SPTA1: variants seen among roughly 807,000 people sequenced by gnomAD.
SPTA1 encodes spectrin alpha, erythrocytic 1, also known as spectrin alpha chain, erythrocytic 1.
A neutral mutation model predicts 324.7 loss-of-function variants in SPTA1; 177 were observed. The observed-to-expected ratio is 0.55, with a 90% CI of 0.48 to 0.62. SPTA1 has a LOEUF of 0.62. SPTA1 is among the 20% of genes least tolerant of loss of function. SPTA1 has a pLI of 0.00. For missense variants in SPTA1, 3,162 were observed against 2,883.6 expected, an observed-to-expected ratio of 1.10 and a Z score of -2.21; for synonymous variants, 1,195 against 1,041.3, an observed-to-expected ratio of 1.15 and a Z score of -2.84.
At chr1:158,629,403 T>A (rs1048237727) in intron 39 of SPTA1, among the ~76,000 whole-genome samples, 22 of 151,836 alleles carry the variant, frequency 1.4e-4, no homozygotes, top group African/African-American at 5.1e-4. Flanking sequence ...ATAAATGTGA[T>A]ACAACACATT....
chr1:158,678,276 A>G (rs1654538291), intron 6 of SPTA1, 125 bp downstream of exon 6: 7 of 1,317,682 alleles, frequency 5.3e-6, no homozygotes, highest in South Asian at 1.2e-5. Flanking sequence ...AGGCAAGTAC[A>G]TGATCCACTT....
At chr1:158,631,181 A>G (rs1450620374) in intron 39 of SPTA1, among the ~76,000 whole-genome samples, 1 of 152,222 alleles carries the variant, frequency 6.6e-6, no homozygotes, top group Non-Finnish European at 1.5e-5. Flanking sequence ...TAGCAGTACA[A>G]TTTGCAATTG....
chr1:158,635,428 T>C (rs1256330697), intron 38 of SPTA1, among the ~76,000 whole-genome samples: 1 of 152,054 alleles, frequency 6.6e-6, no homozygotes, highest in South Asian at 2.1e-4. Context: ...TATGAAACTA[T>C]GAGTGAATTA....
In SPTA1 at chr1:158,657,527, C is replaced by A; in HGVS notation, c.2755G>T (p.Glu919Ter). Residue 919 changes from glutamate (E) to a stop codon, truncating the protein, a stop_gained, in exon 19 of 52, where the codon GAA (glutamate) becomes TAA (stop). Coordinates refer to ENST00000643759, the MANE Select transcript of SPTA1 (RefSeq NM_003126.4). LOFTEE classifies it high-confidence loss of function. ...TAGTTAGTATTATCTACAATAGGTT[C>A]CTTCTCTCTGATCCATGTTTCTGCT... ...HEAETWIREK[E>*]PIVDNTNYGA... The A allele has an allele frequency of 6.6e-7, 1 of 1,512,276 alleles. No homozygotes were observed. The highest frequency in any genetic ancestry group is 9.0e-7 in the Non-Finnish European group (1 of 1,113,952). 93.7% of individuals were successfully genotyped at this position (1,512,276 alleles called of 1,614,324 possible).
intron 20 of SPTA1, among the ~76,000 whole-genome samples, chr1:158,656,075 G>C (rs1652801304): frequency 6.6e-6 from 1 of 152,096 alleles, no homozygotes; most frequent in South Asian, 2.1e-4. Flanking sequence ...GCCTTTCTTT[G>C]AGACTCTTTG....
At chr1:158,642,715 C>T (rs929473034) in intron 32 of SPTA1, 99 bp downstream of exon 32, 5 of 1,598,754 alleles carry the variant, frequency 3.1e-6, no homozygotes, top group Non-Finnish European at 4.3e-6. Context: ...GGCATGGTAG[C>T]CTCAACAGTC....
At position 158,639,853 on chromosome 1, in the gene SPTA1, T is replaced by C; in HGVS notation, c.4875+17A>G. ...GTATTAAACTCTTGTGTCTCTACTG[T>C]TTCCGGGTGCAATTACCTCTGAGAG... On this transcript the variant is annotated intron_variant, in intron 34 of 51. Coordinates refer to ENST00000643759, the MANE Select transcript of SPTA1 (RefSeq NM_003126.4). 2.5e-6 allele frequency: 4 copies of C among 1,613,984 alleles called. No individual in the cohort carries two copies. Among genetic ancestry groups the C allele is most frequent in the Non-Finnish European group, 3.4e-6 (4 of 1,179,932 alleles).
rs2101760795 is a variant in SPTA1, at chr1:158,620,398, T to C, written c.6189A>G (p.Glu2063=). 1.2e-6 allele frequency: 2 copies of C among 1,613,944 alleles called. No homozygotes were observed. Among genetic ancestry groups the C allele is most frequent in the East Asian group, 4.5e-5 (2 of 44,870 alleles). The change falls in exon 44 of 52, where the codon GAA becomes GAG. Residue 2063 remains glutamate (E), a synonymous_variant. Coordinates refer to ENST00000643759, the MANE Select transcript of SPTA1 (RefSeq NM_003126.4). ...AGTGCACAGGCTCTGACAAGTTTTC[T>C]TCCATCTTTTCACACCAGTTGTTCA... ...SALNNWCEKM[E]ENLSEPVHCV... is the part of the protein sequence containing the mutation.
At chr1:158,674,497 A>G (rs778924779) in intron 9 of SPTA1, 43 bp downstream of exon 9, 3 of 1,614,064 alleles carry the variant, frequency 1.9e-6, no homozygotes, top group Non-Finnish European at 1.7e-6. Flanking sequence ...ATTCAGCCAA[A>G]TAACCTGCCC....
intron 15 of SPTA1, among the ~76,000 whole-genome samples, chr1:158,667,553 A>G (rs1447088688): frequency 1.3e-5 from 2 of 152,216 alleles, no homozygotes; most frequent in African/African-American, 2.4e-5. Context: ...TTCAAGGGAA[A>G]GAAAAACAAC....
At chr1:158,640,711 G>A (rs1651490124) in intron 33 of SPTA1, among the ~76,000 whole-genome samples, 1 of 151,978 alleles carries the variant, frequency 6.6e-6, no homozygotes, top group African/African-American at 2.4e-5. Context: ...TCATGGGTAG[G>A]AAGAATCAAT....
chr1:158,671,453 C>A lies in SPTA1; in HGVS notation c.1489G>T (p.Ala497Ser), dbSNP rs200722082. Residue 497 changes from alanine (A) to serine (S), a missense_variant and splice_region_variant, in exon 12 of 52, where the codon GCC (alanine) becomes TCC (serine). Transcript: ENST00000643759. ...CCCAGATCCTCGTTTTCCAGGAAGG[C>A]CTGTAGAAGACAGAAAGACACACCT... ...QVDSWMSRQE[A>S]FLENEDLGNS... The A allele has an allele frequency of 7.5e-5, 121 of 1,611,768 alleles. No individual in the cohort carries two copies. The highest frequency in any genetic ancestry group is 9.8e-5 in the Non-Finnish European group (115 of 1,179,264).
At chr1:158,622,665 G>T (rs1616) in intron 43 of SPTA1, 106,364 of 340,318 alleles carry the variant, frequency 0.31, 17,438 homozygotes, top group African/African-American at 0.43. Context: ...AAAGTACAGG[G>T]ACAACCTTGA....
Position 158,652,612 on chromosome 1 carries a change from C to G in SPTA1, c.3230G>C (p.Arg1077Pro). The G allele has an allele frequency of 1.2e-6, 2 of 1,614,018 alleles. No individual in the cohort carries two copies. The highest frequency in any genetic ancestry group is 1.7e-6 in the Non-Finnish European group (2 of 1,180,026). ...LLDRAEERRR[R>P]LLQRYNEFLL... ...AAATTCATTATAACGTTGCAATAGA[C>G]GACGTCTGCGTTCTTCTGCCCGATC... The change falls in exon 23 of 52, where the codon CGT (arginine) becomes CCT (proline). Residue 1077 changes from arginine (R) to proline (P), a missense_variant. Arg to Pro is a moderately radical substitution (Grantham distance 103). Coordinates refer to ENST00000643759, the MANE Select transcript of SPTA1 (RefSeq NM_003126.4).
chr1:158,642,921 C>A lies in SPTA1; in HGVS notation c.4498G>T (p.Ala1500Ser), dbSNP rs1486327253. 6.2e-7 allele frequency: 1 copy of A among 1,613,686 alleles called. No individual in the cohort carries two copies. The highest frequency in any genetic ancestry group is 8.5e-7 in the Non-Finnish European group (1 of 1,179,836). Residue 1500 changes from alanine to serine, a missense_variant, in exon 32 of 52, where the codon GCC (alanine) becomes TCC (serine). Ala to Ser is a moderately conservative substitution (Grantham distance 99). Transcript: ENST00000643759. ...TCTCGGTAGAATTGTTTTAGGTTGG[C>A]ATAGTCTCCAAGCTTTGTCCGCTCA... The part of the protein sequence containing the change: ...IDERTKLGDY[A>S]NLKQFYRDLE...
chr1:158,623,652 G>A (rs187027047), intron 42 of SPTA1, among the ~76,000 whole-genome samples: 1 of 152,132 alleles, frequency 6.6e-6, no homozygotes, highest in African/African-American at 2.4e-5. Context: ...GGATGTGTTT[G>A]TTTCCCCTTC....
At chr1:158,658,983 T>C (rs1030107890) in intron 18 of SPTA1, among the ~76,000 whole-genome samples, 5 of 151,924 alleles carry the variant, frequency 3.3e-5, no homozygotes, top group Non-Finnish European at 7.4e-5. Flanking sequence ...ACCTGCAATA[T>C]AAGGAATGTT....
intron 45 of SPTA1, among the ~76,000 whole-genome samples, chr1:158,618,582 A>T (rs1649719657): frequency 1.3e-5 from 2 of 152,162 alleles, no homozygotes; most frequent in Non-Finnish European, 2.9e-5. Context: ...TTTCTAGGTC[A>T]TTTACCCCAG....
chr1:158,641,870 T>C (rs993168675), intron 33 of SPTA1, among the ~76,000 whole-genome samples: 1 of 152,212 alleles, frequency 6.6e-6, no homozygotes, highest in Non-Finnish European at 1.5e-5. Flanking sequence ...CATATGTTTA[T>C]TGCGGCACTA....
Sources: allele counts gnomAD v4.1 joint callset (sites outside exome capture counted in the v4.1 genomes callset), GRCh38; gene constraint gnomAD v4.1.1; transcripts MANE v1.5; gene names NCBI Gene and HGNC (gene_info 2026-07-23, HGNC 2026-07-21).